Variants in MAP3K2 observed in about 807,000 individuals in gnomAD.
MAP3K2 encodes the protein MAP/ERK kinase kinase 2.
Under a neutral mutation model 80.3 loss-of-function variants are expected in MAP3K2, and 24 were observed. That is an observed-to-expected ratio of 0.30 (90% confidence interval 0.22 to 0.42). MAP3K2 has a LOEUF of 0.42. Ranked by LOEUF, MAP3K2 falls within the 10% of genes least tolerant of loss-of-function variation. The pLI, the probability that MAP3K2 is intolerant of heterozygous loss-of-function variation, is 1.00. For missense variants in MAP3K2, 608 were observed against 750.1 expected, an observed-to-expected ratio of 0.81 and a Z score of 2.21; for synonymous variants, 244 against 253.7, an observed-to-expected ratio of 0.96 and a Z score of 0.36.
At chr2:127,361,373 A>T (rs556473051) in intron 1 of MAP3K2, among the ~76,000 whole-genome samples, 1 of 152,162 alleles carries the variant, frequency 6.6e-6, no homozygotes, top group East Asian at 1.9e-4. Flanking sequence ...CAACATTTTA[A>T]GTAATAATAT....
intron 13 of MAP3K2, 85 bp from the exon 14 acceptor site, chr2:127,317,845 C>T: frequency 7.7e-7 from 1 of 1,301,996 alleles, no homozygotes; most frequent in East Asian, 2.5e-5. Context: ...AAGGTGATTT[C>T]ATTCTGAAAA....
intron 12 of MAP3K2, 91 bp from the exon 13 acceptor site, chr2:127,318,408 C>A (rs1034057082): frequency 3.2e-6 from 3 of 949,972 alleles, no homozygotes; most frequent in Non-Finnish European, 2.8e-6. Flanking sequence ...TAGTGACATC[C>A]TTCATTGAAT....
chr2:127,355,632 T>G (rs534977990), intron 1 of MAP3K2, among the ~76,000 whole-genome samples: 92 of 152,306 alleles, frequency 6.0e-4, no homozygotes, highest in African/African-American at 2.2e-3. Flanking sequence ...GGCTCCTGAC[T>G]GATAAGGGTG....
chr2:127,338,942 G>T lies in MAP3K2; in HGVS notation c.113C>A (p.Pro38Gln). The T allele has an allele frequency of 1.9e-6, 3 of 1,597,962 alleles. No homozygotes were observed. Among genetic ancestry groups the T allele is most frequent in the Non-Finnish European group, 2.6e-6 (3 of 1,171,662 alleles). Reference protein sequence around the residue: ...QETRKAKSSSPKKQNDVRVKF... With the variant: ...QETRKAKSSSQKKQNDVRVKF... The stretch of plus-strand genomic sequence containing the variant: ...TATTAAAATAAATACCTGTTTTTTT[G>T]GTGATGAAGATTTTGCTTTTCTGGT... Residue 38 changes from proline (P) to glutamine (Q), a missense_variant, in exon 3 of 17, where the codon CCA (proline) becomes CAA (glutamine). Transcript: ENST00000682094.
chr2:127,325,712 C>G lies in MAP3K2; in HGVS notation c.677+16G>C. 1 of 1,595,810 alleles carries G rather than the reference C, an allele frequency of 6.3e-7. No individual in the cohort carries two copies. The highest frequency in any genetic ancestry group is 2.2e-5 in the East Asian group (1 of 44,756). The stretch of plus-strand genomic sequence containing the variant: ...AATAAACAAATAAACCCTCCAAAAA[C>G]TACGATAAACATTACCCATCCAAAG... On this transcript the variant is annotated intron_variant, in intron 9 of 16. Coordinates refer to ENST00000682094, the MANE Select transcript of MAP3K2 (RefSeq NM_001371910.2).
rs1405903310 is a variant in MAP3K2 at position 127,302,123 on chromosome 2, G to T, written c.*5456C>A. ...TTTGGCAGAATTTCAGTTCCAAAAA[G>T]TTCAGGAAGAACTATGTAAAATCAA... On this transcript the variant is annotated 3_prime_UTR_variant, in exon 17 of 17. Coordinates refer to ENST00000682094, the MANE Select transcript of MAP3K2 (RefSeq NM_001371910.2). 1 of 152,134 alleles carries T rather than the reference G, an allele frequency of 6.6e-6. No homozygotes were observed. Among genetic ancestry groups the T allele is most frequent in the East Asian group, 1.9e-4 (1 of 5,200 alleles). The allele number at this position is 152,134 out of a possible 1,614,324, so 9.4% of individuals were successfully genotyped here. A position where few individuals can be genotyped will look rare whatever the true frequency, so the allele number is the denominator to read the frequency against.
chr2:127,348,118 C>G (rs1355269205), intron 1 of MAP3K2, among the ~76,000 whole-genome samples: 1 of 152,080 alleles, frequency 6.6e-6, no homozygotes, highest in Non-Finnish European at 1.5e-5. Context: ...TGGTGGCTTA[C>G]AGATTACATC....
At chr2:127,366,632 T>C (rs1013657598) in intron 1 of MAP3K2, among the ~76,000 whole-genome samples, 1 of 152,154 alleles carries the variant, frequency 6.6e-6, no homozygotes, top group African/African-American at 2.4e-5. Flanking sequence ...TATTTTTCGG[T>C]TGCTACTGGG....
At chr2:127,323,081 C>T (rs1414508963) in intron 11 of MAP3K2, among the ~76,000 whole-genome samples, 1 of 150,320 alleles carries the variant, frequency 6.7e-6, no homozygotes, top group Non-Finnish European at 1.5e-5. Flanking sequence ...GCCTGGGCAA[C>T]ATGGCAAAAC....
chr2:127,352,848 G>GC (rs1419269934), intron 1 of MAP3K2, among the ~76,000 whole-genome samples: 2 of 152,082 alleles, frequency 1.3e-5, no homozygotes, highest in African/African-American at 4.8e-5. Flanking sequence ...GCAGGTGCGC[G>GC]CCGCCATGCC....
At chr2:127,332,988 G>T (rs990057551) in intron 5 of MAP3K2, among the ~76,000 whole-genome samples, 12 of 151,930 alleles carry the variant, frequency 7.9e-5, no homozygotes, top group Non-Finnish European at 1.5e-4. Flanking sequence ...AAATTAACAA[G>T]GTATGGTAGT....
At position 127,321,067 on chromosome 2, in the gene MAP3K2, T is replaced by C. The variant is rs1686012227; in HGVS notation, c.1045+979A>G. ...CCCAGAAGGCAGAGGTTGCAATGAG[T>C]TGAGATTGCACCACAGCCTGAGTGA... On this transcript the variant is annotated intron_variant, in intron 12 of 16. Transcript: ENST00000682094. The surrounding 1 kb of genome is among the most constrained non-coding windows in gnomAD (Gnocchi z 4.4). Among the ~76,000 whole-genome samples the C allele has an allele frequency of 6.6e-6, 1 of 152,106 alleles. No homozygotes were observed. Among genetic ancestry groups the C allele is most frequent in the Non-Finnish European group, 1.5e-5 (1 of 68,020 alleles).
At position 127,317,617 on chromosome 2, in the gene MAP3K2, G is replaced by A. The variant is rs920322754; in HGVS notation, c.1326+12C>T. On this transcript the variant is annotated intron_variant, in intron 14 of 16. Transcript: ENST00000682094. ...ATAGAATGTGTATTTTCAAAAAGATGTACTAACTTACCCCTGGCATATATT... is the reference window on the plus strand; with the variant it reads ...ATAGAATGTGTATTTTCAAAAAGATATACTAACTTACCCCTGGCATATATT... 4 of 1,530,690 alleles carry A rather than the reference G, an allele frequency of 2.6e-6. No individual in the cohort carries two copies. In the Admixed American group the frequency reaches 6.7e-5, roughly 26 times the overall value. 94.8% of individuals were successfully genotyped at this position (1,530,690 alleles called of 1,614,324 possible). A position where few individuals can be genotyped will look rare whatever the true frequency, so the allele number is the denominator to read the frequency against.
chr2:127,374,931 G>A (rs766732559), intron 1 of MAP3K2, among the ~76,000 whole-genome samples: 2 of 152,082 alleles, frequency 1.3e-5, no homozygotes, highest in Non-Finnish European at 2.9e-5. Context: ...AACAAAAAAG[G>A]GGGAATATGA....
chr2:127,382,674 T>A, intron 1 of MAP3K2, among the ~76,000 whole-genome samples: 1 of 152,192 alleles, frequency 6.6e-6, no homozygotes. Flanking sequence ...CTGGGACTAC[T>A]GGCACCTCGT....
At chr2:127,378,980 TG>T (rs140675980) in intron 1 of MAP3K2, among the ~76,000 whole-genome samples, 16 of 113,360 alleles carry the variant, frequency 1.4e-4, no homozygotes, top group Admixed American at 4.1e-4. Flanking sequence ...GGTTTTTTGT[TG>T]TTTTTTTTTT....
rs540722200 is a variant in MAP3K2 at position 127,353,304 on chromosome 2, C to T, written c.-65-10110G>A. 6.2e-3 allele frequency among the ~76,000 whole-genome samples: 943 copies of T among 151,820 alleles called. 14 individuals are homozygous for T. Among genetic ancestry groups the T allele is most frequent in the African/African-American group, 0.021 (862 of 41,348 alleles). On this transcript the variant is annotated intron_variant, in intron 1 of 16. Transcript: ENST00000682094. ...GTCTGAGATGTGGGGAGGGCCTCTG[C>T]CCCGCCGCCCCGTCTGGGATGTGAG...
chr2:127,333,812 G>C (rs990814032), intron 5 of MAP3K2, among the ~76,000 whole-genome samples: 45 of 152,088 alleles, frequency 3.0e-4, no homozygotes, highest in Admixed American at 5.2e-4. Flanking sequence ...TAAAAATACA[G>C]ATCAGGCCAG....
rs753244229 is a variant in MAP3K2, at chr2:127,310,511, GC to G, written c.1457-1750del. On this transcript the variant is annotated intron_variant, in intron 15 of 16. Coordinates refer to ENST00000682094, the MANE Select transcript of MAP3K2 (RefSeq NM_001371910.2). This position sits in a 1 kb window ranked among gnomAD's most constrained non-coding sequence, Gnocchi z 4.8. ...AAAAAAATACAAAAAAATTAGCTGG[GC>G]ATGGTAGCATGTGCCTGCAGTCCCA... Among the ~76,000 whole-genome samples the G allele has an allele frequency of 8.3e-4, 127 of 152,232 alleles. No homozygotes were observed. The highest frequency in any genetic ancestry group is 1.5e-3 in the Non-Finnish European group (99 of 68,012).
Sources: allele counts gnomAD v4.1 joint callset (sites outside exome capture counted in the v4.1 genomes callset), GRCh38; gene constraint gnomAD v4.1.1; non-coding constraint Gnocchi (gnomAD v3.1); transcripts MANE v1.5; gene names NCBI Gene and HGNC (gene_info 2026-07-23, HGNC 2026-07-21).